The following KALRN variants were observed in gnomAD, a reference collection of about 807,000 sequenced individuals.
The protein encoded by KALRN is kalirin.
KALRN carries 70 observed loss-of-function variants against 353.7 expected under a neutral mutation model. That is an observed-to-expected ratio of 0.20 (90% confidence interval 0.16 to 0.24). The LOEUF is 0.24. KALRN is among the 10% of genes least tolerant of loss of function. The probability of loss-of-function intolerance (pLI) is 1.00; values close to 1 mark genes in which losing one functional copy is unlikely to be tolerated. For missense variants in KALRN, 2,791 were observed against 3,756.7 expected (o/e 0.74, Z 6.72); for synonymous variants, 1,391 against 1,434.8 (o/e 0.97, Z 0.69).
chr3:124,242,570 C>T (rs2080603877), intron 3 of KALRN, among the ~76,000 whole-genome samples: 1 of 152,084 alleles, frequency 6.6e-6, no homozygotes, highest in African/African-American at 2.4e-5. Flanking sequence ...AACAGAGGGA[C>T]AATGGAAGAG....
rs1431744216 is a variant in KALRN, at chr3:124,725,257, A to G, written c.*5787A>G. 1 of 152,186 alleles carries G rather than the reference A, an allele frequency of 6.6e-6. No homozygotes were observed. The highest frequency in any genetic ancestry group is 2.4e-5 in the African/African-American group (1 of 41,462). The allele number at this position is 152,186 out of a possible 1,614,324, so 9.4% of individuals were successfully genotyped here. A position where few individuals can be genotyped will look rare whatever the true frequency, so the allele number is the denominator to read the frequency against. On this transcript the variant is annotated 3_prime_UTR_variant, in exon 60 of 60. Transcript: ENST00000682506. Reference sequence around the variant, plus strand: ...ACATCTTCTCTTACTAACTTAAGCCATATCTGTCAACTCTATGTTTGATTT... The same window carrying G: ...ACATCTTCTCTTACTAACTTAAGCCGTATCTGTCAACTCTATGTTTGATTT...
intron 1 of KALRN, among the ~76,000 whole-genome samples, chr3:124,177,836 A>G (rs929469865): frequency 6.6e-6 from 1 of 152,148 alleles, no homozygotes; most frequent in Non-Finnish European, 1.5e-5. Flanking sequence ...TATCCTCTGC[A>G]GTTTTCCCAG....
At chr3:124,498,232 CA>C (rs2064093928) in intron 33 of KALRN, among the ~76,000 whole-genome samples, 2 of 152,188 alleles carry the variant, frequency 1.3e-5, no homozygotes, top group African/African-American at 4.8e-5. Context: ...TTCACAGAAA[CA>C]GTGCTCACAT....
At position 124,170,831 on chromosome 3, in the gene KALRN, C is replaced by CT. The variant is rs752783614; in HGVS notation, c.74-57120dup. Among the ~76,000 whole-genome samples, 371 of 47,154 alleles carry CT rather than the reference C, an allele frequency of 7.9e-3. 107 individuals carry two copies. The highest frequency in any genetic ancestry group is 0.011 in the Non-Finnish European group (278 of 25,538). The allele number at this position is 47,154 out of a possible 152,430, so 30.9% of individuals were successfully genotyped here. ...TATAAACTCCTTCCACTTCCACATTCTTTTTTTTTTTTTTTTTTTTTTTTT... is the reference window on the plus strand; with the variant it reads ...TATAAACTCCTTCCACTTCCACATTCTTTTTTTTTTTTTTTTTTTTTTTTTT... On this transcript the variant is annotated intron_variant, in intron 1 of 59. Transcript: ENST00000682506.
chr3:124,049,537 CA>C (rs1368833428), intron 1 of KALRN, among the ~76,000 whole-genome samples: 12 of 152,264 alleles, frequency 7.9e-5, no homozygotes, highest in East Asian at 5.8e-4. Context: ...GGGATTTTGT[CA>C]GCTGCTTCTC....
chr3:124,521,025 G>A (rs2067118365), intron 33 of KALRN, among the ~76,000 whole-genome samples: 1 of 152,148 alleles, frequency 6.6e-6, no homozygotes, highest in Admixed American at 6.5e-5. Context: ...ACCTCCCACA[G>A]GTGTTCACAT....
intron 33 of KALRN, among the ~76,000 whole-genome samples, chr3:124,547,699 G>A (rs1255876766): frequency 1.3e-5 from 2 of 152,136 alleles, no homozygotes; most frequent in Non-Finnish European, 2.9e-5. Context: ...GATATCTGAT[G>A]GTTACAATGT....
intron 1 of KALRN, among the ~76,000 whole-genome samples, chr3:124,045,732 G>C (rs1240125061): frequency 7.9e-6 from 1 of 126,164 alleles, no homozygotes; most frequent in African/African-American, 3.0e-5. Context: ...TTTCCCGAAA[G>C]GAGGTTAACA....
At chr3:124,210,846 G>T (rs2076840963) in intron 1 of KALRN, among the ~76,000 whole-genome samples, 1 of 152,336 alleles carries the variant, frequency 6.6e-6, no homozygotes, top group East Asian at 1.9e-4. Context: ...GAAATTAATA[G>T]ATTTTGACTA....
intron 13 of KALRN, chr3:124,410,182 T>G (rs771685012): frequency 3.8e-6 from 2 of 531,744 alleles, no homozygotes; most frequent in East Asian, 1.1e-4. Context: ...TAAAGCCCTC[T>G]GACGTGACTC....
chr3:124,455,391 TC>T (rs775166128), intron 22 of KALRN, 32 bp downstream of exon 22: 2 of 1,585,968 alleles, frequency 1.3e-6, no homozygotes, highest in South Asian at 2.2e-5. Flanking sequence ...TGGGACATCC[TC>T]CCTTCTCATC....
chr3:124,480,923 A>G (rs576041646), intron 27 of KALRN, among the ~76,000 whole-genome samples: 61 of 152,310 alleles, frequency 4.0e-4, no homozygotes, highest in Non-Finnish European at 4.6e-4. Flanking sequence ...TCATTGTATG[A>G]ATATTCTACA....
intron 1 of KALRN, among the ~76,000 whole-genome samples, chr3:124,040,401 C>A (rs1198543791): frequency 6.6e-6 from 1 of 152,066 alleles, no homozygotes; most frequent in African/African-American, 2.4e-5. Context: ...TCCCCTCCCA[C>A]CCCCCATCAT....
intron 57 of KALRN, among the ~76,000 whole-genome samples, chr3:124,709,241 C>CA (rs2062779239): frequency 6.6e-6 from 1 of 151,942 alleles, no homozygotes; most frequent in African/African-American, 2.4e-5. Context: ...AAAAAAGAAA[C>CA]AAAAAATGAA....
Position 124,491,017 on chromosome 3 carries a change from T to A in KALRN, c.4587+133T>A, listed in dbSNP as rs1265968023. 1.0e-5 allele frequency: 8 copies of A among 788,034 alleles called. No individual in the cohort carries two copies. In the East Asian group the frequency reaches 2.1e-4, roughly 21 times the overall value. The allele number at this position is 788,034 out of a possible 1,614,324, so 48.8% of individuals were successfully genotyped here. ...AAACCATCCTGGACAAATGAAAATG[T>A]CTCCTATTTGGAAAGCACCCCACTC... On this transcript the variant is annotated intron_variant, in intron 30 of 59. Transcript: ENST00000682506.
At chr3:124,349,004 C>T (rs143753741) in intron 10 of KALRN, among the ~76,000 whole-genome samples, 3,023 of 152,272 alleles carry the variant, frequency 0.02, 86 homozygotes, top group African/African-American at 0.068. Flanking sequence ...CAGGTGTGAG[C>T]CACCGTGCCC....
intron 33 of KALRN, among the ~76,000 whole-genome samples, chr3:124,500,889 A>G (rs2064441035): frequency 6.6e-6 from 1 of 152,224 alleles, no homozygotes; most frequent in Admixed American, 6.5e-5. Flanking sequence ...CACACTTTAG[A>G]AGAAATCTAC....
intron 33 of KALRN, among the ~76,000 whole-genome samples, chr3:124,547,985 G>A (rs919605194): frequency 1.3e-5 from 2 of 152,094 alleles, no homozygotes; most frequent in Non-Finnish European, 2.9e-5. Context: ...TCCAGGTTCT[G>A]ATTTTTCCTA....
chr3:124,631,150 C>G (rs535196722), intron 34 of KALRN, among the ~76,000 whole-genome samples: 36 of 152,324 alleles, frequency 2.4e-4, no homozygotes, highest in Non-Finnish European at 4.9e-4. Context: ...TTACTCCTAC[C>G]TCACTGGCTA....
Sources: allele counts gnomAD v4.1 joint callset (sites outside exome capture counted in the v4.1 genomes callset), GRCh38; gene constraint gnomAD v4.1.1; transcripts MANE v1.5; gene names NCBI Gene and HGNC (gene_info 2026-07-23, HGNC 2026-07-21).